The following MSR1 variants were observed in gnomAD, a reference collection of about 807,000 sequenced individuals.
MSR1 encodes the protein macrophage scavenger receptor 1, also known as macrophage scavenger receptor types I and II.
In MSR1, 53 loss-of-function variants were observed where a neutral mutation model predicts 47.2. The observed-to-expected ratio is 1.12, with a 90% CI of 0.90 to 1.41. MSR1 has a LOEUF of 1.41. Among genes scored for constraint, MSR1 ranks in the 40% most tolerant of loss-of-function variants. The probability of loss-of-function intolerance (pLI) is 0.00; values close to 1 mark genes in which losing one functional copy is unlikely to be tolerated. For synonymous variants in MSR1, 239 were observed against 185.6 expected (o/e 1.29, Z -2.34); for missense variants, 786 against 546.9 (o/e 1.44, Z -4.36).
chr8:16,179,740 G>C (rs1801768546), intron 1 of MSR1, among the ~76,000 whole-genome samples: 1 of 140,094 alleles, frequency 7.1e-6, no homozygotes. Flanking sequence ...AATTAGCCAG[G>C]TATGGTGGCA....
intron 9 of MSR1, among the ~76,000 whole-genome samples, chr8:16,119,971 C>T (rs1799958928): frequency 6.6e-6 from 1 of 150,816 alleles, no homozygotes; most frequent in South Asian, 2.1e-4. Context: ...CCACTTCAGC[C>T]TCCCAAAGTG....
At chr8:16,155,039 G>C in intron 6 of MSR1, 25 bp downstream of exon 6, 1 of 1,580,700 alleles carries the variant, frequency 6.3e-7, no homozygotes, top group Non-Finnish European at 8.7e-7. Context: ...CACAGTATAT[G>C]ATTAAATAGC....
intron 9 of MSR1, among the ~76,000 whole-genome samples, chr8:16,120,050 C>A (rs1799961280): frequency 6.6e-6 from 1 of 151,862 alleles, no homozygotes; most frequent in African/African-American, 2.4e-5. Context: ...TATTCTCTGT[C>A]TTTAGAGAAT....
chr8:16,181,861 G>A (rs1801843388), intron 1 of MSR1, among the ~76,000 whole-genome samples: 1 of 151,980 alleles, frequency 6.6e-6, no homozygotes, highest in Admixed American at 6.6e-5. Context: ...ATGTACTAAT[G>A]CTTTTTAACT....
chr8:16,169,437 T>C lies in MSR1; in HGVS notation c.218-567A>G, dbSNP rs1056508596. 3.3e-5 allele frequency among the ~76,000 whole-genome samples: 5 copies of C among 152,306 alleles called. No individual in the cohort carries two copies. In the South Asian group the frequency reaches 1.0e-3, roughly 32 times the overall value. On this transcript the variant is annotated intron_variant, in intron 3 of 9. Coordinates refer to ENST00000262101, the MANE Select transcript of MSR1 (RefSeq NM_138715.3). ...AGTTAATACAGACCTAATTCACAGT[T>C]GGTGGAGCAGGAAATTGGGCAAATA...
chr8:16,136,960 G>T (rs1800405726), intron 8 of MSR1, among the ~76,000 whole-genome samples: 2 of 151,826 alleles, frequency 1.3e-5, no homozygotes, highest in Non-Finnish European at 2.9e-5. Flanking sequence ...ATTTACCTAA[G>T]TTACCTGGAA....
At chr8:16,157,981 G>A (rs907349358) in intron 5 of MSR1, among the ~76,000 whole-genome samples, 2 of 151,992 alleles carry the variant, frequency 1.3e-5, no homozygotes, top group Admixed American at 6.6e-5. Flanking sequence ...AGAGTCTCTT[G>A]TAGTCACCTT....
intron 6 of MSR1, among the ~76,000 whole-genome samples, chr8:16,152,040 T>C (rs1339525982): frequency 6.6e-6 from 1 of 152,186 alleles, no homozygotes; most frequent in Admixed American, 6.5e-5. Flanking sequence ...GTGCCTGGCA[T>C]GTAATGACTA....
At chr8:16,189,305 T>G (rs1392587552) in intron 1 of MSR1, among the ~76,000 whole-genome samples, 1 of 129,718 alleles carries the variant, frequency 7.7e-6, no homozygotes, top group Non-Finnish European at 1.6e-5. Flanking sequence ...ACATTTCATA[T>G]ATATATAAAA....
chr8:16,130,298 G>C (rs569636998), intron 8 of MSR1, among the ~76,000 whole-genome samples: 1 of 152,236 alleles, frequency 6.6e-6, no homozygotes, highest in Admixed American at 6.5e-5. Context: ...TGTCCTGCAA[G>C]TCTGTCAGTG....
At chr8:16,151,662 G>T (rs1296203274) in intron 6 of MSR1, among the ~76,000 whole-genome samples, 4 of 152,114 alleles carry the variant, frequency 2.6e-5, no homozygotes, top group African/African-American at 9.7e-5. Context: ...TCTCAGCCAT[G>T]GGATGTTCAA....
At chr8:16,186,337 C>G in intron 1 of MSR1, 2 of 713,604 alleles carry the variant, frequency 2.8e-6, no homozygotes, top group South Asian at 3.8e-5. Context: ...ATCTCACTAG[C>G]CTCATTGCTT....
At chr8:16,185,158 A>G (rs75319700) in intron 1 of MSR1, among the ~76,000 whole-genome samples, 2 of 236 alleles carry the variant, frequency 8.5e-3, no homozygotes, top group Non-Finnish European at 0.12. Flanking sequence ...ATTTTCCAGA[A>G]AAAAAAAAAA....
intron 8 of MSR1, among the ~76,000 whole-genome samples, chr8:16,139,037 G>A (rs773145774): frequency 2.0e-5 from 3 of 152,098 alleles, no homozygotes; most frequent in African/African-American, 7.2e-5. Context: ...CTGCCCTCCG[G>A]CGTGCACTCT....
chr8:16,138,964 C>G (rs1278291101), intron 8 of MSR1, among the ~76,000 whole-genome samples: 1 of 152,152 alleles, frequency 6.6e-6, no homozygotes, highest in Non-Finnish European at 1.5e-5. Flanking sequence ...ATGCTTTGTT[C>G]TTCAGAGACT....
Position 16,150,272 on chromosome 8 carries a change from A to T in MSR1, c.938T>A (p.Phe313Tyr). Residue 313 changes from phenylalanine (F) to tyrosine (Y), a missense_variant, in exon 7 of 10, where the codon TTT (phenylalanine) becomes TAT (tyrosine). Physicochemically the swap from Phe to Tyr is conservative, Grantham distance 22. Coordinates refer to ENST00000262101, the MANE Select transcript of MSR1 (RefSeq NM_138715.3). ...TCCTGGGAGTCCTCGACTTCCAGGA[A>T]AGCCAATTGCTCCCCGATCACCTTT... Reference protein sequence around the residue: ...GLKGDRGAIGFPGSRGLPGYA... With the variant: ...GLKGDRGAIGYPGSRGLPGYA... 1 of 1,568,854 alleles carries T rather than the reference A, an allele frequency of 6.4e-7. No homozygotes were observed. Among genetic ancestry groups the T allele is most frequent in the South Asian group, 1.2e-5 (1 of 84,384 alleles).
At chr8:16,178,015 A>C (rs750615087) in intron 1 of MSR1, 23 bp from the exon 2 acceptor site, 1 of 1,565,334 alleles carries the variant, frequency 6.4e-7, no homozygotes. Flanking sequence ...ATGGAAAAAT[A>C]TATTAATTCC....
Position 16,160,310 on chromosome 8 carries a change from T to C in MSR1, c.817+3755A>G, listed in dbSNP as rs554455821. 1.2e-3 allele frequency among the ~76,000 whole-genome samples: 188 copies of C among 152,072 alleles called. 1 individual carries two copies. The highest frequency in any genetic ancestry group is 2.2e-3 in the Non-Finnish European group (150 of 67,934). On this transcript the variant is annotated intron_variant, in intron 5 of 9. Transcript: ENST00000262101. ...GAGAACTAATGGTGGTCTTGGGAGA[T>C]ATAAAATAATTAAAATTGATAGCTT...
In MSR1 at chr8:16,120,312, G is replaced by C. The variant is rs1179974998; in HGVS notation, c.1222+106C>G. 3.2e-5 allele frequency: 38 copies of C among 1,172,756 alleles called. No individual in the cohort carries two copies. In the East Asian group the frequency reaches 5.0e-4, roughly 16 times the overall value. 72.6% of individuals were successfully genotyped at this position (1,172,756 alleles called of 1,614,324 possible). On this transcript the variant is annotated intron_variant, in intron 9 of 9. Transcript: ENST00000262101. ...GAATCGCTTGAATCCGGGAGGCAGA[G>C]GTTGCAGTGAGCCGAGATCGCGCCA... is the stretch of plus-strand genomic sequence containing the variant.
Sources: allele counts gnomAD v4.1 joint callset (sites outside exome capture counted in the v4.1 genomes callset), GRCh38; gene constraint gnomAD v4.1.1; transcripts MANE v1.5; gene names NCBI Gene and HGNC (gene_info 2026-07-23, HGNC 2026-07-21).